The following TMEM237 variants were observed in gnomAD, a reference collection of about 807,000 sequenced individuals.
TMEM237 encodes transmembrane protein 237.
In TMEM237, 51 loss-of-function variants were observed where a neutral mutation model predicts 59.1. That is an observed-to-expected ratio of 0.86 (90% CI 0.69 to 1.09). The LOEUF (loss-of-function observed/expected upper bound fraction) is 1.09. Ranked by LOEUF, TMEM237 falls within the 50% of genes least tolerant of loss-of-function variation. The probability of loss-of-function intolerance (pLI) is 0.00; values close to 1 mark genes in which losing one functional copy is unlikely to be tolerated. For synonymous variants in TMEM237, 140 were observed against 166.1 expected, an observed-to-expected ratio of 0.84 and a Z score of 1.21; for missense variants, 475 against 478.3, an observed-to-expected ratio of 0.99 and a Z score of 0.06.
intron 4 of TMEM237, 115 bp downstream of exon 4, chr2:201,638,874 A>G: frequency 9.6e-7 from 1 of 1,039,192 alleles, no homozygotes; most frequent in Admixed American, 2.5e-5. Context: ...TCTATCCTCA[A>G]TGAAGTGGAG....
Position 201,635,762 on chromosome 2 carries a change from T to TAA in TMEM237, c.274+984_274+985dup, listed in dbSNP as rs11453635. ...GGGCTATAAGAGTGAAACTCCATCT[T>TAA]AAAAAAAAAAAAAAAGAGGCTCGAA... On this transcript the variant is annotated intron_variant, in intron 5 of 12. Coordinates refer to ENST00000409883, the MANE Select transcript of TMEM237 (RefSeq NM_001044385.3). The surrounding 1 kb of genome is among the most constrained non-coding windows in gnomAD (Gnocchi z 4.5). Among the ~76,000 whole-genome samples the TAA allele has an allele frequency of 3.8e-3, 548 of 142,436 alleles. 1 individual carries two copies. Among genetic ancestry groups the TAA allele is most frequent in the African/African-American group, 9.9e-3 (384 of 38,740 alleles). 93.4% of individuals were successfully genotyped at this position (142,436 alleles called of 152,430 possible). A position where few individuals can be genotyped will look rare whatever the true frequency, so the allele number is the denominator to read the frequency against.
rs55971100 is a variant in TMEM237 at position 201,636,482 on chromosome 2, T to C, written c.274+266A>G. ...TCCATTTCATCATTTACTAGATTTT[T>C]CTATGCACTGAGATCTGAACTTTCT... On this transcript the variant is annotated intron_variant, in intron 5 of 12. Coordinates refer to ENST00000409883, the MANE Select transcript of TMEM237 (RefSeq NM_001044385.3). 154,861 of 322,976 alleles carry C rather than the reference T, an allele frequency of 0.48. 38,514 individuals carry two copies. The highest frequency in any genetic ancestry group is 0.55 in the South Asian group (10,050 of 18,200). The allele number at this position is 322,976 out of a possible 1,614,324, so 20.0% of individuals were successfully genotyped here.
chr2:201,629,532 A>G, intron 8 of TMEM237, 111 bp from the exon 9 acceptor site: 1 of 1,333,354 alleles, frequency 7.5e-7, no homozygotes, highest in Non-Finnish European at 9.9e-7. Flanking sequence ...CATGACAAGT[A>G]AAAGCAAGCT....
chr2:201,628,004 A>G (rs1415134820), intron 10 of TMEM237, 72 bp downstream of exon 10: 2 of 1,126,548 alleles, frequency 1.8e-6, no homozygotes, highest in East Asian at 2.6e-5. Context: ...AAAAAAAATT[A>G]TATTTATCCT....
chr2:201,638,353 A>G (rs1673895576), intron 4 of TMEM237: 2 of 152,216 alleles, frequency 1.3e-5, no homozygotes, highest in African/African-American at 4.8e-5. Flanking sequence ...GGTAAAGATA[A>G]TCTTGAGGTT....
At chr2:201,627,989 CT>C (rs1170864295) in intron 10 of TMEM237, 86 bp downstream of exon 10, 55 of 997,612 alleles carry the variant, frequency 5.5e-5, no homozygotes, top group Non-Finnish European at 7.7e-5. Context: ...AGTAATACAA[CT>C]TTTAAAAAAA....
At chr2:201,636,636 GA>G in intron 5 of TMEM237, 111 bp downstream of exon 5, 3 of 1,277,126 alleles carry the variant, frequency 2.3e-6, no homozygotes, top group Non-Finnish European at 3.2e-6. Context: ...ATAAAAGCAA[GA>G]AACCACCTGT....
At chr2:201,638,654 C>G in intron 4 of TMEM237, 1 of 243,008 alleles carries the variant, frequency 4.1e-6, no homozygotes, top group Non-Finnish European at 7.8e-6. Context: ...AATTCAGTAT[C>G]TTGTTCAAGG....
Position 201,643,353 on chromosome 2 carries a change from G to C in TMEM237, c.42+6C>G, listed in dbSNP as rs1687472990. On this transcript the variant is annotated splice_donor_region_variant and intron_variant, in intron 1 of 12. Coordinates refer to ENST00000409883, the MANE Select transcript of TMEM237 (RefSeq NM_001044385.3). The surrounding 1 kb of genome is among the most constrained non-coding windows in gnomAD (Gnocchi z 4.3). ...TCTCGAGGCCGACGCGCCCCTCGCC[G>C]CTCACCAGGTGGCCCTCCTCCAGCC... The C allele has an allele frequency of 6.5e-7, 1 of 1,536,528 alleles. No homozygotes were observed. The highest frequency in any genetic ancestry group is 8.8e-7 in the Non-Finnish European group (1 of 1,140,036).
chr2:201,642,455 T>C (rs979774424), intron 1 of TMEM237, among the ~76,000 whole-genome samples: 4 of 152,158 alleles, frequency 2.6e-5, no homozygotes, highest in Non-Finnish European at 1.5e-5. Context: ...GCGCGCGCGA[T>C]CGATCCCAGG....
chr2:201,640,175 T>A, intron 3 of TMEM237, 86 bp downstream of exon 3: 3 of 1,109,524 alleles, frequency 2.7e-6, no homozygotes, highest in South Asian at 1.7e-5. Context: ...AATTACACCA[T>A]TCAGACTCAG....
At chr2:201,637,811 T>C (rs531692676) in intron 4 of TMEM237, among the ~76,000 whole-genome samples, 4 of 151,552 alleles carry the variant, frequency 2.6e-5, no homozygotes, top group African/African-American at 9.7e-5. Flanking sequence ...CAGTAGTACA[T>C]AGAGAAATGT....
chr2:201,642,802 G>A, intron 1 of TMEM237: 5 of 1,402,508 alleles, frequency 3.6e-6, no homozygotes, highest in South Asian at 1.6e-5. Context: ...GACCTGGATT[G>A]GCCAGTCCAG....
chr2:201,634,584 G>A lies in TMEM237; in HGVS notation c.275-1153C>T, dbSNP rs75339765. Among the ~76,000 whole-genome samples the A allele has an allele frequency of 2.1e-3, 326 of 152,154 alleles. 1 individual carries two copies. The highest frequency in any genetic ancestry group is 7.2e-3 in the African/African-American group (300 of 41,498). Reference sequence around the variant, plus strand: ...TTCACAAATTATAAAACTAGGTATTGGTATCCATCTTGATTTTTAAACTTG... The same window carrying A: ...TTCACAAATTATAAAACTAGGTATTAGTATCCATCTTGATTTTTAAACTTG... On this transcript the variant is annotated intron_variant, in intron 5 of 12. Coordinates refer to ENST00000409883, the MANE Select transcript of TMEM237 (RefSeq NM_001044385.3).
Position 201,629,277 on chromosome 2 carries a change from ACT to A in TMEM237, c.820_821del (p.Leu275SerfsTer14). ...QYKTLAYPFQ[S>X]LLYLLLALST... The stretch of plus-strand genomic sequence containing the variant: ...TCAGAGCCAAAAGCAAGTACAGAAG[ACT>A]CTGGAATGGATACGCTAGGGTCTTG... On this transcript the variant is annotated frameshift_variant, in exon 9 of 13. Coordinates refer to ENST00000409883, the MANE Select transcript of TMEM237 (RefSeq NM_001044385.3). LOFTEE classifies it high-confidence loss of function. 1 of 1,596,324 alleles carries A rather than the reference ACT, an allele frequency of 6.3e-7. No homozygotes were observed. The highest frequency in any genetic ancestry group is 8.5e-7 in the Non-Finnish European group (1 of 1,175,274).
At chr2:201,630,648 G>T (rs1397240983) in intron 7 of TMEM237, among the ~76,000 whole-genome samples, 1 of 152,160 alleles carries the variant, frequency 6.6e-6, no homozygotes, top group African/African-American at 2.4e-5. Context: ...TACTCTAGCA[G>T]GGAAATTTCT....
rs373863090 is a variant in TMEM237 at position 201,633,488 on chromosome 2, T to C, written c.275-57A>G. 5.5e-4 allele frequency: 733 copies of C among 1,337,856 alleles called. 11 individuals are homozygous for C. The South Asian group carries it at 0.011, about 20-fold the overall frequency. 82.9% of individuals were successfully genotyped at this position (1,337,856 alleles called of 1,614,324 possible). On this transcript the variant is annotated intron_variant, in intron 5 of 12. Transcript: ENST00000409883. ...AACTAAAACATAAAAAGAAAAGTAATGTACAAGACTTGTATAAGAGAAAAG... is the reference window on the plus strand; with the variant it reads ...AACTAAAACATAAAAAGAAAAGTAACGTACAAGACTTGTATAAGAGAAAAG...
At chr2:201,633,279 G>T in intron 6 of TMEM237, 32 bp downstream of exon 6, 4 of 1,576,738 alleles carry the variant, frequency 2.5e-6, no homozygotes, top group Non-Finnish European at 3.4e-6. Flanking sequence ...GGTAATCCTG[G>T]AGAATAGTTA....
chr2:201,635,537 G>C lies in TMEM237; in HGVS notation c.274+1211C>G, dbSNP rs962667576. Reference sequence around the variant, plus strand: ...AGCACTTTGGGAGGCCGAGGTGGGCGGATCACCTGAGGTCAGGAGTTCAAG... The same window carrying C: ...AGCACTTTGGGAGGCCGAGGTGGGCCGATCACCTGAGGTCAGGAGTTCAAG... On this transcript the variant is annotated intron_variant, in intron 5 of 12. Transcript: ENST00000409883. This position sits in a 1 kb window ranked among gnomAD's most constrained non-coding sequence, Gnocchi z 4.5. 6.6e-6 allele frequency among the ~76,000 whole-genome samples: 1 copy of C among 152,174 alleles called. No homozygotes were observed.
Sources: allele counts gnomAD v4.1 joint callset (sites outside exome capture counted in the v4.1 genomes callset), GRCh38; gene constraint gnomAD v4.1.1; non-coding constraint Gnocchi (gnomAD v3.1); transcripts MANE v1.5; gene names NCBI Gene and HGNC (gene_info 2026-07-23, HGNC 2026-07-21).